The following PDGFRA variants were observed in gnomAD, a reference collection of about 807,000 sequenced individuals.
PDGFRA encodes the protein platelet-derived growth factor receptor alpha.
A neutral mutation model predicts 121.5 loss-of-function variants in PDGFRA; 25 were observed. That is an observed-to-expected ratio of 0.21 (90% CI 0.15 to 0.29). PDGFRA has a LOEUF of 0.29. PDGFRA is among the 10% of genes least tolerant of loss of function. PDGFRA has a pLI of 1.00. For synonymous variants in PDGFRA, 463 were observed against 494.8 expected, an observed-to-expected ratio of 0.94 and a Z score of 0.85; for missense variants, 1,008 against 1,345.1, an observed-to-expected ratio of 0.75 and a Z score of 3.92.
intron 4 of PDGFRA, 126 bp from the exon 5 acceptor site, chr4:54,264,793 C>A (rs752770212): frequency 5.8e-6 from 5 of 860,140 alleles, no homozygotes; most frequent in Non-Finnish European, 9.2e-6. Context: ...CAAATTTTAT[C>A]TTGATCAAAC....
intron 8 of PDGFRA, among the ~76,000 whole-genome samples, chr4:54,271,368 G>C: frequency 6.6e-6 from 1 of 152,154 alleles, no homozygotes; most frequent in Non-Finnish European, 1.5e-5. Flanking sequence ...TAATTTATTT[G>C]ACCACAGATT....
intron 9 of PDGFRA, 91 bp downstream of exon 9, chr4:54,272,611 T>C: frequency 6.9e-7 from 1 of 1,442,274 alleles, no homozygotes; most frequent in Non-Finnish European, 9.6e-7. Flanking sequence ...TTATTGACTA[T>C]AAGATAGGGT....
intron 3 of PDGFRA, among the ~76,000 whole-genome samples, chr4:54,263,459 G>A (rs1577708811): frequency 6.6e-6 from 1 of 152,158 alleles, no homozygotes; most frequent in East Asian, 1.9e-4. Context: ...TATCCATCAG[G>A]AGACAGGCAA....
At chr4:54,263,385 A>G (rs1335773187) in intron 3 of PDGFRA, among the ~76,000 whole-genome samples, 1 of 152,134 alleles carries the variant, frequency 6.6e-6, no homozygotes, top group Non-Finnish European at 1.5e-5. Context: ...TTGGCTTCCC[A>G]AAGTGCTGGG....
chr4:54,290,619 C>G, intron 22 of PDGFRA, 65 bp downstream of exon 22: 2 of 1,579,470 alleles, frequency 1.3e-6, no homozygotes, highest in Non-Finnish European at 1.7e-6. Flanking sequence ...AAGGAGAGGA[C>G]CCATTTTCCC....
At chr4:54,258,630 A>G (rs1722506124) in intron 1 of PDGFRA, 127 bp from the exon 2 acceptor site, 1 of 751,396 alleles carries the variant, frequency 1.3e-6, no homozygotes, top group East Asian at 2.5e-5. Context: ...CTTGAATTTT[A>G]ACCTGGGACA....
intron 16 of PDGFRA, chr4:54,281,509 A>C: frequency 9.4e-7 from 1 of 1,058,558 alleles, no homozygotes. Flanking sequence ...AAGATTAGCC[A>C]GTGAGAGTTA....
intron 7 of PDGFRA, among the ~76,000 whole-genome samples, chr4:54,269,644 CTT>C (rs569943950): frequency 7.9e-5 from 10 of 126,376 alleles, no homozygotes; most frequent in African/African-American, 6.0e-5. Context: ...TTTTTTCTAA[CTT>C]TTTTTTTTTT....
chr4:54,263,578 C>A, intron 3 of PDGFRA, 89 bp from the exon 4 acceptor site: 1 of 1,242,306 alleles, frequency 8.0e-7, no homozygotes, highest in South Asian at 1.2e-5. Flanking sequence ...TACCTAATAT[C>A]AATAATGCCA....
Position 54,277,359 on chromosome 4 carries a change from T to G in PDGFRA, c.1787-29T>G, listed in dbSNP as rs763378180. ...AAGCTGAGGAGGCGTCTGGAGTTTT[T>G]GGGTGTTAATGATTCTGCCTGCCCA... On this transcript the variant is annotated intron_variant, in intron 12 of 22. Coordinates refer to ENST00000257290, the MANE Select transcript of PDGFRA (RefSeq NM_006206.6). 6 of 1,519,812 alleles carry G rather than the reference T, an allele frequency of 3.9e-6. No homozygotes were observed. In the African/African-American group the frequency reaches 4.1e-5, roughly 10 times the overall value. The allele number at this position is 1,519,812 out of a possible 1,614,324, so 94.1% of individuals were successfully genotyped here. A position where few individuals can be genotyped will look rare whatever the true frequency, so the allele number is the denominator to read the frequency against.
At chr4:54,271,232 T>C (rs944965639) in intron 8 of PDGFRA, among the ~76,000 whole-genome samples, 45 of 152,108 alleles carry the variant, frequency 3.0e-4, no homozygotes, top group African/African-American at 1.1e-3. Context: ...CAGAAGGGAG[T>C]GCCCAAGTCT....
intron 22 of PDGFRA, among the ~76,000 whole-genome samples, chr4:54,294,021 G>A (rs893856519): frequency 2.0e-5 from 3 of 151,846 alleles, no homozygotes; most frequent in African/African-American, 7.2e-5. Context: ...GGTATAATAT[G>A]TAGACAGCCC....
At chr4:54,261,626 G>T (rs913688309) in intron 3 of PDGFRA, among the ~76,000 whole-genome samples, 5 of 151,854 alleles carry the variant, frequency 3.3e-5, no homozygotes, top group Admixed American at 1.3e-4. Context: ...AGTCATCTTT[G>T]TTATGACATG....
intron 1 of PDGFRA, among the ~76,000 whole-genome samples, chr4:54,237,021 T>C (rs1358709919): frequency 6.6e-6 from 1 of 151,854 alleles, no homozygotes; most frequent in Admixed American, 6.6e-5. Context: ...CAGGCTGGAG[T>C]GCAGTGGCGA....
chr4:54,277,571 A>G (rs1723808986), intron 13 of PDGFRA, 79 bp downstream of exon 13: 1 of 932,710 alleles, frequency 1.1e-6, no homozygotes, highest in Admixed American at 1.8e-5. Flanking sequence ...TCTCAAAATC[A>G]TGCAGCTAGT....
chr4:54,276,574 T>C (rs1400953898), intron 12 of PDGFRA, among the ~76,000 whole-genome samples: 2 of 152,132 alleles, frequency 1.3e-5, no homozygotes, highest in Non-Finnish European at 2.9e-5. Flanking sequence ...TAAAAAGTAG[T>C]AAAATATGGG....
chr4:54,247,674 C>T (rs1440949870), intron 1 of PDGFRA, among the ~76,000 whole-genome samples: 5 of 152,144 alleles, frequency 3.3e-5, no homozygotes, highest in Non-Finnish European at 7.3e-5. Flanking sequence ...GACAGGGATG[C>T]GCTCTCTCAC....
intron 22 of PDGFRA, 121 bp from the exon 23 acceptor site, chr4:54,295,004 C>A: frequency 1.0e-6 from 1 of 986,048 alleles, no homozygotes; most frequent in African/African-American, 1.6e-5. Flanking sequence ...GGGGCAGAAT[C>A]TTGCCATACT....
intron 2 of PDGFRA, 148 bp from the exon 3 acceptor site, chr4:54,260,947 G>C (rs1722666799): frequency 1.5e-6 from 1 of 673,746 alleles, no homozygotes; most frequent in African/African-American, 1.8e-5. Context: ...TGTTATAATG[G>C]GGGAGCTTTC....
Sources: gnomAD v4.1 joint callset for allele counts (sites outside exome capture counted in the v4.1 genomes callset) on GRCh38, gnomAD v4.1.1 for gene constraint, MANE v1.5 for transcripts, NCBI Gene and HGNC (gene_info 2026-07-23, HGNC 2026-07-21) for gene names.